The following TMEM132C variants were observed in gnomAD, a reference collection of about 807,000 sequenced individuals.
TMEM132C encodes the protein protein phosphatase 1, regulatory subunit 152.
In TMEM132C, 29 loss-of-function variants were observed where a neutral mutation model predicts 61.4. The observed-to-expected ratio is 0.47, with a 90% CI of 0.35 to 0.64. The LOEUF (loss-of-function observed/expected upper bound fraction) is 0.64. Among genes scored for constraint, TMEM132C ranks in the 30% least tolerant of loss-of-function variants. The probability of loss-of-function intolerance (pLI) is 0.00; values close to 1 mark genes in which losing one functional copy is unlikely to be tolerated. For missense variants in TMEM132C, 1,408 were observed against 1,476.9 expected, an observed-to-expected ratio of 0.95 and a Z score of 0.76; for synonymous variants, 656 against 633.1, an observed-to-expected ratio of 1.04 and a Z score of -0.54.
At chr12:128,583,247 A>G (rs996831058) in intron 3 of TMEM132C, among the ~76,000 whole-genome samples, 10 of 152,136 alleles carry the variant, frequency 6.6e-5, no homozygotes, top group East Asian at 3.9e-4. Context: ...GTATCAGGTT[A>G]AATAGATGCA....
intron 4 of TMEM132C, among the ~76,000 whole-genome samples, chr12:128,643,244 C>G (rs1954171216): frequency 6.6e-6 from 1 of 152,182 alleles, no homozygotes; most frequent in Non-Finnish European, 1.5e-5. Flanking sequence ...ATCTGCAAAG[C>G]TGGGCTGAGA....
At chr12:128,356,817 G>A (rs1160044962) in intron 1 of TMEM132C, among the ~76,000 whole-genome samples, 1 of 152,226 alleles carries the variant, frequency 6.6e-6, no homozygotes, top group Non-Finnish European at 1.5e-5. Flanking sequence ...TCTTGTGCTT[G>A]TCAGTTATGG....
chr12:128,539,064 C>A (rs955101585), intron 2 of TMEM132C, among the ~76,000 whole-genome samples: 1 of 152,156 alleles, frequency 6.6e-6, no homozygotes, highest in Non-Finnish European at 1.5e-5. Flanking sequence ...CCTCAAGGAA[C>A]ACTTATTGAA....
chr12:128,276,137 T>G (rs1171279319), intron 1 of TMEM132C, among the ~76,000 whole-genome samples: 1 of 152,332 alleles, frequency 6.6e-6, no homozygotes, highest in East Asian at 1.9e-4. Context: ...CAAGGACATA[T>G]TCACAGGTTC....
chr12:128,287,599 C>G (rs1871116115), intron 1 of TMEM132C, among the ~76,000 whole-genome samples: 3 of 152,122 alleles, frequency 2.0e-5, no homozygotes, highest in Admixed American at 2.0e-4. Context: ...ATACCTCTAT[C>G]ATGTGTATTC....
chr12:128,355,195 A>G (rs1259197200), intron 1 of TMEM132C, among the ~76,000 whole-genome samples: 1 of 152,118 alleles, frequency 6.6e-6, no homozygotes, highest in African/African-American at 2.4e-5. Flanking sequence ...AGAGGCCTCC[A>G]TTTTCACAGG....
chr12:128,593,114 CTTCCT>C (rs2135567729), intron 3 of TMEM132C, among the ~76,000 whole-genome samples: 1 of 151,122 alleles, frequency 6.6e-6, no homozygotes, highest in South Asian at 2.1e-4. Context: ...CTCTCTCCAT[CTTCCT>C]TTCCTCTCTC....
intron 2 of TMEM132C, among the ~76,000 whole-genome samples, chr12:128,501,548 A>T (rs1167958697): frequency 6.6e-6 from 1 of 152,060 alleles, no homozygotes; most frequent in Non-Finnish European, 1.5e-5. Flanking sequence ...TACATTCTCC[A>T]CTCATGGACC....
intron 1 of TMEM132C, among the ~76,000 whole-genome samples, chr12:128,321,532 C>G (rs1294669274): frequency 6.6e-6 from 1 of 152,152 alleles, no homozygotes; most frequent in Non-Finnish European, 1.5e-5. Context: ...AAGGAGGGCT[C>G]CTTGTGTAGA....
At chr12:128,664,246 G>A (rs11837709) in intron 4 of TMEM132C, among the ~76,000 whole-genome samples, 38,998 of 151,562 alleles carry the variant, frequency 0.26, 6,506 homozygotes, top group African/African-American at 0.48. Flanking sequence ...CGTTCCAGAA[G>A]TAATTCCATG....
rs190234320 is a variant in TMEM132C at position 128,547,887 on chromosome 12, C to T, written c.1121+3784C>T. On this transcript the variant is annotated intron_variant, in intron 3 of 8. Transcript: ENST00000435159. The stretch of plus-strand genomic sequence containing the variant: ...TTCAAAGGCACAAACACCAAACACA[C>T]ACACCAAGTCTAACTAAAAGTGGTG... 2.6e-5 allele frequency among the ~76,000 whole-genome samples: 4 copies of T among 152,328 alleles called. No homozygotes were observed. In the East Asian group the frequency reaches 7.7e-4, roughly 29 times the overall value.
intron 1 of TMEM132C, among the ~76,000 whole-genome samples, chr12:128,341,130 G>C (rs1353507762): frequency 1.3e-5 from 2 of 151,868 alleles, no homozygotes; most frequent in Non-Finnish European, 2.9e-5. Context: ...TGGTAGAGAC[G>C]GGGTTTCACC....
rs183116215 is a variant in TMEM132C, at chr12:128,550,044, T to C, written c.1121+5941T>C. Among the ~76,000 whole-genome samples the C allele has an allele frequency of 3.9e-5, 6 of 152,342 alleles. No individual in the cohort carries two copies. The East Asian group carries it at 9.7e-4, about 25-fold the overall frequency. On this transcript the variant is annotated intron_variant, in intron 3 of 8. Coordinates refer to ENST00000435159, the MANE Select transcript of TMEM132C (RefSeq NM_001136103.3). ...TCCACCCTGGTTCCCGTTAAATCTCTTTCACTGCTCTATATCCCTCGGTAG... is the reference window on the plus strand; with the variant it reads ...TCCACCCTGGTTCCCGTTAAATCTCCTTCACTGCTCTATATCCCTCGGTAG...
intron 3 of TMEM132C, among the ~76,000 whole-genome samples, chr12:128,608,427 T>C (rs568014563): frequency 1.3e-5 from 2 of 152,336 alleles, no homozygotes; most frequent in Admixed American, 6.5e-5. Context: ...ATCAGAATTA[T>C]CTGTGTGTCA....
chr12:128,530,926 G>T (rs1315822297), intron 2 of TMEM132C, among the ~76,000 whole-genome samples: 22 of 152,274 alleles, frequency 1.4e-4, no homozygotes, highest in African/African-American at 3.8e-4. Context: ...TTGAATAATG[G>T]CTGTGTTTGA....
intron 4 of TMEM132C, among the ~76,000 whole-genome samples, chr12:128,634,196 C>T (rs998766413): frequency 9.9e-5 from 15 of 152,234 alleles, no homozygotes; most frequent in African/African-American, 3.6e-4. Flanking sequence ...GCCTCAGCCT[C>T]CTGAGTAGCT....
At chr12:128,344,448 G>A (rs1008968342) in intron 1 of TMEM132C, among the ~76,000 whole-genome samples, 4 of 152,196 alleles carry the variant, frequency 2.6e-5, no homozygotes, top group South Asian at 2.1e-4. Context: ...GTGAGCCACC[G>A]TGCCGGCAGT....
chr12:128,674,418 T>A (rs1432024972), intron 5 of TMEM132C, among the ~76,000 whole-genome samples: 1 of 152,226 alleles, frequency 6.6e-6, no homozygotes, highest in Non-Finnish European at 1.5e-5. Context: ...GCAATGAATA[T>A]TCACATTCAC....
At chr12:128,499,311 C>G (rs930201939) in intron 2 of TMEM132C, among the ~76,000 whole-genome samples, 8 of 152,076 alleles carry the variant, frequency 5.3e-5, no homozygotes, top group African/African-American at 1.9e-4. Flanking sequence ...TTATGAGGTA[C>G]ATGTGATGTT....
Sources: gnomAD v4.1 joint callset for allele counts (sites outside exome capture counted in the v4.1 genomes callset) on GRCh38, gnomAD v4.1.1 for gene constraint, MANE v1.5 for transcripts, NCBI Gene and HGNC (gene_info 2026-07-23, HGNC 2026-07-21) for gene names.